The following GOLGA8M variants were observed in gnomAD, a reference collection of about 807,000 sequenced individuals.
GOLGA8M encodes golgin A8 family member M, also known as golgin subfamily A member 8M.
A neutral mutation model predicts 87.7 loss-of-function variants in GOLGA8M; 34 were observed. The ratio of observed to expected loss-of-function variants is 0.39; its 90% CI spans 0.29 to 0.52. GOLGA8M has a LOEUF of 0.52. Ranked by LOEUF, GOLGA8M falls within the 20% of genes least tolerant of loss-of-function variation. GOLGA8M has a pLI of 0.80. For synonymous variants in GOLGA8M, 138 were observed against 250.2 expected, an observed-to-expected ratio of 0.55 and a Z score of 4.23; for missense variants, 396 against 682.2, an observed-to-expected ratio of 0.58 and a Z score of 4.67.
At position 28,706,701 on chromosome 15, in the gene GOLGA8M, T is replaced by A; in HGVS notation, c.592-2A>T. 2 of 1,434,868 alleles carry A rather than the reference T, an allele frequency of 1.4e-6. No homozygotes were observed. Among genetic ancestry groups the A allele is most frequent in the Non-Finnish European group, 1.9e-6 (2 of 1,037,402 alleles). The allele number at this position is 1,434,868 out of a possible 1,614,324, so 88.9% of individuals were successfully genotyped here. A position where few individuals can be genotyped will look rare whatever the true frequency, so the allele number is the denominator to read the frequency against. On this transcript the variant is annotated splice_acceptor_variant, in intron 8 of 18. Transcript: ENST00000563027. LOFTEE classifies it high-confidence loss of function. ...ACCTGCTTTACTGGGGCTGGACAAC[T>A]GGATGGCAAAGAGTGAGAAGTTTCA... is the stretch of plus-strand genomic sequence containing the variant.
At chr15:28,710,777 C>A in intron 1 of GOLGA8M, among the ~76,000 whole-genome samples, 171 bp from the exon 2 acceptor site, 1 of 147,208 alleles carries the variant, frequency 6.8e-6, no homozygotes. Flanking sequence ...GATATCATGG[C>A]TAGAAAAAAA....
chr15:28,699,117 G>A lies in GOLGA8M; in HGVS notation c.*2837C>T, dbSNP rs1318612142. 6.7e-6 allele frequency among the ~76,000 whole-genome samples: 1 copy of A among 149,756 alleles called. No homozygotes were observed. The highest frequency in any genetic ancestry group is 1.5e-5 in the Non-Finnish European group (1 of 67,954). On this transcript the variant is annotated 3_prime_UTR_variant, in exon 19 of 19. Transcript: ENST00000563027. ...TTTTAGAGAAACTATATTATGGATAGGGCTGATTTACATTTTCAAATTTTC... is the reference window on the plus strand; with the variant it reads ...TTTTAGAGAAACTATATTATGGATAAGGCTGATTTACATTTTCAAATTTTC...
At chr15:28,703,099 A>G (rs1323834421) in intron 15 of GOLGA8M, 1 of 671,136 alleles carries the variant, frequency 1.5e-6, no homozygotes. Flanking sequence ...CTAGGGGCAT[A>G]CACAGAACAA....
At chr15:28,704,997 A>C in intron 13 of GOLGA8M, 162 bp downstream of exon 13, 1 of 1,162,070 alleles carries the variant, frequency 8.6e-7, no homozygotes, top group South Asian at 1.3e-5. Flanking sequence ...CCACCTTTAA[A>C]AGTCAGAGGC....
Position 28,702,610 on chromosome 15 carries a change from C to T in GOLGA8M, c.1469+35G>A, listed in dbSNP as rs200593608. 3,318 of 1,606,080 alleles carry T rather than the reference C, an allele frequency of 2.1e-3. 36 individuals are homozygous for T. Among genetic ancestry groups the T allele is most frequent in the South Asian group, 6.7e-3 (603 of 90,502 alleles). On this transcript the variant is annotated intron_variant, in intron 16 of 18. Transcript: ENST00000563027. ...CGCTGGGGCCCCTCCGACGGTCCTG[C>T]AGCTCCCCCTGCCGTGCCCTGGCCT...
chr15:28,704,126 G>A (rs1213320513), intron 13 of GOLGA8M, among the ~76,000 whole-genome samples: 2 of 147,036 alleles, frequency 1.4e-5, no homozygotes, highest in South Asian at 2.1e-4. Flanking sequence ...CCTTCTCACA[G>A]GTCAACTGCT....
In GOLGA8M at chr15:28,708,031, G is replaced by T. The variant is rs76825431; in HGVS notation, c.403C>A (p.Leu135Ile). The change falls in exon 7 of 19, where the codon CTC (leucine) becomes ATC (isoleucine). Residue 135 changes from leucine to isoleucine, a missense_variant. Leu to Ile is a conservative substitution (Grantham distance 5). Around this residue, in one of 12 missense-constraint regions of GOLGA8M, gnomAD observed 80 missense variants for 119.9 expected, o/e 0.67. Coordinates refer to ENST00000563027, the MANE Select transcript of GOLGA8M (RefSeq NM_001282468.3). ...QKAKRVLEVQ[L>I]QTLNIQKEEL... Reference sequence around the variant, plus strand: ...TCTTTCTGTATGTTCAATGTCTGGAGTTGAACCTTTGGGAGAAAAGCCAAG... The same window carrying T: ...TCTTTCTGTATGTTCAATGTCTGGATTTGAACCTTTGGGAGAAAAGCCAAG... The T allele has an allele frequency of 0.033, 51,262 of 1,540,772 alleles. 11,015 individuals carry two copies. In the East Asian group the frequency reaches 0.55, roughly 17 times the overall value.
rs1212637269 is a variant in GOLGA8M, at chr15:28,702,227, T to G, written c.1710A>C (p.Ala570=). 10 of 1,589,776 alleles carry G rather than the reference T, an allele frequency of 6.3e-6. No homozygotes were observed. Among genetic ancestry groups the G allele is most frequent in the Middle Eastern group, 2.2e-4 (1 of 4,492 alleles). Residue 570 remains alanine, a synonymous_variant, in exon 18 of 19, where the codon GCA becomes GCC. Coordinates refer to ENST00000563027, the MANE Select transcript of GOLGA8M (RefSeq NM_001282468.3). ...GAPAPQELGA[A]DKHGDLCEVS... is the part of the protein sequence containing the mutation. Reference sequence around the variant, plus strand: ...GGCTGTACTCACCACCATGCTTGTCTGCAGCCCCAAGCTCCTGGGGAGCTG... The same window carrying G: ...GGCTGTACTCACCACCATGCTTGTCGGCAGCCCCAAGCTCCTGGGGAGCTG...
rs374737710 is a variant in GOLGA8M at position 28,701,186 on chromosome 15, G to A, written c.*768C>T. Among the ~76,000 whole-genome samples, 240 of 152,160 alleles carry A rather than the reference G, an allele frequency of 1.6e-3. No homozygotes were observed. Among genetic ancestry groups the A allele is most frequent in the Admixed American group, 4.9e-3 (75 of 15,286 alleles). ...TACAACTGCTGCAGCTCATGATGCA[G>A]TATCTTCATGAGCCCAGAGCACATA... On this transcript the variant is annotated 3_prime_UTR_variant, in exon 19 of 19. Transcript: ENST00000563027.
intron 13 of GOLGA8M, among the ~76,000 whole-genome samples, chr15:28,704,744 A>AC (rs1567301474): frequency 5.5e-5 from 7 of 127,422 alleles, no homozygotes; most frequent in East Asian, 6.8e-4. Context: ...TGTCCTGCTA[A>AC]TTTTTTTTTT....
rs564767395 is a variant in GOLGA8M at position 28,701,104 on chromosome 15, A to G, written c.*850T>C. The stretch of plus-strand genomic sequence containing the variant: ...GAAAGGTTTTCCACATCCACAGTCA[A>G]CGATGGGAACCTTTCATTCCTCAGA... On this transcript the variant is annotated 3_prime_UTR_variant, in exon 19 of 19. Coordinates refer to ENST00000563027, the MANE Select transcript of GOLGA8M (RefSeq NM_001282468.3). Among the ~76,000 whole-genome samples, 1 of 152,182 alleles carries G rather than the reference A, an allele frequency of 6.6e-6. No homozygotes were observed. The highest frequency in any genetic ancestry group is 2.4e-5 in the African/African-American group (1 of 41,490).
At chr15:28,703,272 A>G (rs1358277127) in intron 15 of GOLGA8M, 47 bp downstream of exon 15, 1 of 481,706 alleles carries the variant, frequency 2.1e-6, no homozygotes, top group Non-Finnish European at 3.4e-6. Context: ...TCTTGGAGGG[A>G]CCACAGAGAA....
Position 28,699,087 on chromosome 15 carries a change from T to C in GOLGA8M, c.*2867A>G, listed in dbSNP as rs1182993740. On this transcript the variant is annotated 3_prime_UTR_variant, in exon 19 of 19. Coordinates refer to ENST00000563027, the MANE Select transcript of GOLGA8M (RefSeq NM_001282468.3). ...GTTATATTATTTTAAAACAACTCTT[T>C]AAAGTTTTAGAGAAACTATATTATG... Among the ~76,000 whole-genome samples, 1 of 150,800 alleles carries C rather than the reference T, an allele frequency of 6.6e-6. No homozygotes were observed. The highest frequency in any genetic ancestry group is 1.5e-5 in the Non-Finnish European group (1 of 67,990).
chr15:28,703,216 G>C, intron 15 of GOLGA8M, 103 bp downstream of exon 15: 1 of 877,650 alleles, frequency 1.1e-6, no homozygotes, highest in Non-Finnish European at 1.7e-6. Context: ...GAAGGGGTGA[G>C]GGTCCAGAGA....
Position 28,705,288 on chromosome 15 carries a change from T to A in GOLGA8M, c.1132-61A>T. 2.6e-6 allele frequency: 4 copies of A among 1,534,136 alleles called. No homozygotes were observed. In the South Asian group the frequency reaches 3.5e-5, roughly 13 times the overall value. On this transcript the variant is annotated intron_variant, in intron 12 of 18. Transcript: ENST00000563027. The stretch of plus-strand genomic sequence containing the variant: ...CAGCTGGAGACCCCAGAACTTGGTG[T>A]CTGCCTCCCATGGCACTGGGAAGGC...
chr15:28,703,009 G>C (rs1190362438), intron 15 of GOLGA8M: 36 of 957,920 alleles, frequency 3.8e-5, no homozygotes, highest in Non-Finnish European at 4.1e-5. Flanking sequence ...ACCTGCTCTT[G>C]TAACTGTGCC....
rs932499563 is a variant in GOLGA8M at position 28,701,240 on chromosome 15, C to T, written c.*714G>A. On this transcript the variant is annotated 3_prime_UTR_variant, in exon 19 of 19. Transcript: ENST00000563027. The stretch of plus-strand genomic sequence containing the variant: ...ATCCTAAGGGCACCACCATAATACA[C>T]CGCTAATTCCTGGCACCGGAACAGA... Among the ~76,000 whole-genome samples the T allele has an allele frequency of 2.6e-5, 4 of 151,904 alleles. No individual in the cohort carries two copies. Among genetic ancestry groups the T allele is most frequent in the Non-Finnish European group, 5.9e-5 (4 of 68,014 alleles).
rs535489530 is a variant in GOLGA8M at position 28,711,941 on chromosome 15, G to A, written c.48+335C>T. 492 of 985,106 alleles carry A rather than the reference G, an allele frequency of 5.0e-4. 1 individual carries two copies. Among genetic ancestry groups the A allele is most frequent in the Non-Finnish European group, 5.6e-4 (467 of 829,890 alleles). 61.0% of individuals were successfully genotyped at this position (985,106 alleles called of 1,614,324 possible). A position where few individuals can be genotyped will look rare whatever the true frequency, so the allele number is the denominator to read the frequency against. On this transcript the variant is annotated intron_variant, in intron 1 of 18. Transcript: ENST00000563027. ...GCCCAAAGTCACCCAGGGATGATTG[G>A]CGAGGGTGGGGCCTGGCTCCTCAGA... is the stretch of plus-strand genomic sequence containing the variant.
In GOLGA8M at chr15:28,708,017, G is replaced by A. The variant is rs775759547; in HGVS notation, c.417C>T (p.Asn139=). 1.3e-6 allele frequency: 2 copies of A among 1,592,248 alleles called. No homozygotes were observed. Among genetic ancestry groups the A allele is most frequent in the Non-Finnish European group, 1.7e-6 (2 of 1,177,234 alleles). ...RVLEVQLQTL[N]IQKEELNTDL... is the part of the protein sequence containing the mutation. ...CCGTATTTAGTTCCTCTTTCTGTAT[G>A]TTCAATGTCTGGAGTTGAACCTTTG... Residue 139 remains asparagine, a synonymous_variant, in exon 7 of 19, where the codon AAC becomes AAT. Transcript: ENST00000563027.
Sources: gnomAD v4.1 joint callset for allele counts (sites outside exome capture counted in the v4.1 genomes callset) on GRCh38, gnomAD v4.1.1 for gene constraint, gnomAD v4.1.1 regional missense constraint, MANE v1.5 for transcripts, NCBI Gene and HGNC (gene_info 2026-07-23, HGNC 2026-07-21) for gene names.